Variants in FGD5 observed in about 807,000 individuals in gnomAD.
FGD5 encodes FYVE, RhoGEF and PH domain containing 5.
FGD5 carries 28 observed loss-of-function variants against 133.4 expected under a neutral mutation model. That is an observed-to-expected ratio of 0.21 (90% CI 0.16 to 0.29). The LOEUF is 0.29. FGD5 is among the 10% of genes least tolerant of loss of function. The pLI, the probability that FGD5 is intolerant of heterozygous loss-of-function variation, is 1.00. For missense variants in FGD5, 1,858 were observed against 1,895.2 expected (o/e 0.98, Z 0.36); for synonymous variants, 810 against 776.5 (o/e 1.04, Z -0.72).
chr3:14,857,839 C>A (rs1411443856), intron 1 of FGD5, among the ~76,000 whole-genome samples: 1 of 152,112 alleles, frequency 6.6e-6, no homozygotes, highest in Non-Finnish European at 1.5e-5. Flanking sequence ...CTTCTTTGTG[C>A]CACTTCTGAG....
intron 4 of FGD5, among the ~76,000 whole-genome samples, chr3:14,888,784 G>A (rs1475389318): frequency 6.6e-6 from 1 of 152,210 alleles, no homozygotes; most frequent in Non-Finnish European, 1.5e-5. Flanking sequence ...TTGGATGATG[G>A]AAGTGCAGAA....
At position 14,819,853 on chromosome 3, in the gene FGD5, G is replaced by A. The variant is rs1255975077; in HGVS notation, c.782G>A (p.Gly261Glu). 6.2e-7 allele frequency: 1 copy of A among 1,612,290 alleles called. No individual in the cohort carries two copies. Among genetic ancestry groups the A allele is most frequent in the Non-Finnish European group, 8.5e-7 (1 of 1,179,232 alleles). The part of the protein sequence containing the change: ...EEPPEKEELA[G>E]VQEAETATDC... ...CCCCCTGAGAAGGAGGAGCTGGCCG[G>A]GGTCCAGGAGGCAGAGACAGCCACA... Residue 261 changes from glycine to glutamate, a missense_variant, in exon 1 of 20, where the codon GGG becomes GAG. This residue lies in a region of FGD5 where 1,824 missense variants were observed against 1,848.9 expected (regional missense o/e 0.99). Transcript: ENST00000285046. The surrounding 1 kb of genome is among the most constrained non-coding windows in gnomAD (Gnocchi z 4.1).
At position 14,897,655 on chromosome 3, in the gene FGD5, A is replaced by G. The variant is rs1471050049; in HGVS notation, c.2895A>G (p.Glu965=). ...LHQGILEELE[E]RLSNWESQQK... ...AAGGCATCCTGGAGGAGCTGGAGGA[A>G]AGGCTGTCAAATTGGTGAGCAGTCC... The change falls in exon 5 of 20, where the codon GAA becomes GAG. Residue 965 remains glutamate (E), a synonymous_variant. Coordinates refer to ENST00000285046, the MANE Select transcript of FGD5 (RefSeq NM_152536.4). 6.2e-7 allele frequency: 1 copy of G among 1,603,902 alleles called. No homozygotes were observed. The highest frequency in any genetic ancestry group is 2.2e-5 in the East Asian group (1 of 44,622).
At chr3:14,823,095 G>A (rs2036534541) in intron 1 of FGD5, among the ~76,000 whole-genome samples, 1 of 152,212 alleles carries the variant, frequency 6.6e-6, no homozygotes, top group Admixed American at 6.5e-5. Flanking sequence ...TTTGGAGAAT[G>A]TGGACTCGTG....
chr3:14,816,998 C>A (rs571630230), upstream of FGD5, among the ~76,000 whole-genome samples: 2 of 152,024 alleles, frequency 1.3e-5, no homozygotes, highest in African/African-American at 4.8e-5. Context: ...AGCCACCAGC[C>A]GCATGTGGCT....
rs182966141 is a variant in FGD5 at position 14,897,679 on chromosome 3, C to T, written c.2909+10C>T. On this transcript the variant is annotated intron_variant, in intron 5 of 19. Coordinates refer to ENST00000285046, the MANE Select transcript of FGD5 (RefSeq NM_152536.4). ...AAAGGCTGTCAAATTGGTGAGCAGTCCCTGGACCCCCGGGTTCCACTTTTG... is the reference window on the plus strand; with the variant it reads ...AAAGGCTGTCAAATTGGTGAGCAGTTCCTGGACCCCCGGGTTCCACTTTTG... 1.9e-6 allele frequency: 3 copies of T among 1,591,010 alleles called. No individual in the cohort carries two copies. Among genetic ancestry groups the T allele is most frequent in the Middle Eastern group, 1.7e-4 (1 of 5,924 alleles).
At chr3:14,918,161 A>G (rs934048648) in intron 12 of FGD5, among the ~76,000 whole-genome samples, 2 of 152,182 alleles carry the variant, frequency 1.3e-5, no homozygotes, top group African/African-American at 4.8e-5. Flanking sequence ...AACACTTGGG[A>G]GCTGTTGGGG....
chr3:14,897,617 C>T lies in FGD5; in HGVS notation c.2857C>T (p.His953Tyr). Residue 953 changes from histidine (H) to tyrosine (Y), a missense_variant, in exon 5 of 20, where the codon CAC (histidine) becomes TAC (tyrosine). Coordinates refer to ENST00000285046, the MANE Select transcript of FGD5 (RefSeq NM_152536.4). ...RQGLSELPAI[H>Y]DLHQGILEEL... The stretch of plus-strand genomic sequence containing the variant: ...GGGCCTGAGTGAACTCCCAGCCATC[C>T]ACGACCTTCATCAAGGCATCCTGGA... 1 of 1,606,454 alleles carries T rather than the reference C, an allele frequency of 6.2e-7. No homozygotes were observed. Among genetic ancestry groups the T allele is most frequent in the African/African-American group, 1.3e-5 (1 of 74,908 alleles).
At chr3:14,880,703 T>A in intron 3 of FGD5, 39 bp from the exon 4 acceptor site, 1 of 1,613,932 alleles carries the variant, frequency 6.2e-7, no homozygotes, top group Non-Finnish European at 8.5e-7. Flanking sequence ...TTACACAGGA[T>A]GGGGATTAAT....
intron 4 of FGD5, among the ~76,000 whole-genome samples, chr3:14,881,186 G>C (rs1214272326): frequency 6.6e-6 from 1 of 152,176 alleles, no homozygotes; most frequent in Non-Finnish European, 1.5e-5. Flanking sequence ...CAGAGCAGCT[G>C]AGGGTATCAA....
chr3:14,823,061 C>T (rs1003815108), intron 1 of FGD5, among the ~76,000 whole-genome samples: 1 of 152,188 alleles, frequency 6.6e-6, no homozygotes, highest in African/African-American at 2.4e-5. Context: ...TAAACACCAG[C>T]ACAGCCCGAG....
At chr3:14,870,319 G>A (rs1273799385) in intron 2 of FGD5, among the ~76,000 whole-genome samples, 5 of 152,144 alleles carry the variant, frequency 3.3e-5, no homozygotes, top group Admixed American at 6.5e-5. Context: ...GGAGAGATTC[G>A]TCAGGTCTTC....
Position 14,849,079 on chromosome 3 carries a change from G to A in FGD5, c.2526-15049G>A, listed in dbSNP as rs539477844. 6.6e-5 allele frequency among the ~76,000 whole-genome samples: 10 copies of A among 152,322 alleles called. No individual in the cohort carries two copies. The Middle Eastern group carries it at 0.014, about 207-fold the overall frequency. On this transcript the variant is annotated intron_variant, in intron 1 of 19. Coordinates refer to ENST00000285046, the MANE Select transcript of FGD5 (RefSeq NM_152536.4). ...CACATGAGTGACATGACAAGAGCAT[G>A]TGTGCACTATCACGTGTCTGGGTCC... is the stretch of plus-strand genomic sequence containing the variant.
At chr3:14,844,260 ATATATATATAT>A in intron 1 of FGD5, among the ~76,000 whole-genome samples, 1 of 77,842 alleles carries the variant, frequency 1.3e-5, no homozygotes, top group Non-Finnish European at 2.5e-5. Context: ...ATATATATAT[ATATATATATAT>A]AATGCAGGTT....
rs1232899685 is a variant in FGD5 at position 14,848,950 on chromosome 3, C to T, written c.2526-15178C>T. Among the ~76,000 whole-genome samples the T allele has an allele frequency of 2.0e-5, 3 of 152,316 alleles. No homozygotes were observed. The East Asian group carries it at 5.8e-4, about 29-fold the overall frequency. On this transcript the variant is annotated intron_variant, in intron 1 of 19. Coordinates refer to ENST00000285046, the MANE Select transcript of FGD5 (RefSeq NM_152536.4). ...CACATGCAGCCCCTGCCCTCAGGAG[C>T]AGCGTGGATTTATAGGGTTTAGAGC...
chr3:14,846,746 G>A (rs1348762225), intron 1 of FGD5, among the ~76,000 whole-genome samples: 1 of 152,242 alleles, frequency 6.6e-6, no homozygotes, highest in Non-Finnish European at 1.5e-5. Context: ...ACTGTGGGAC[G>A]CAGGCAGTCA....
intron 2 of FGD5, among the ~76,000 whole-genome samples, chr3:14,877,478 C>T (rs919537624): frequency 1.3e-5 from 2 of 152,178 alleles, no homozygotes; most frequent in Non-Finnish European, 2.9e-5. Context: ...TATGGTGTGA[C>T]GGCTGCCATC....
chr3:14,895,635 G>A (rs1286316665), intron 4 of FGD5, among the ~76,000 whole-genome samples: 3 of 152,090 alleles, frequency 2.0e-5, no homozygotes, highest in African/African-American at 7.2e-5. Flanking sequence ...GTGCAGTGGT[G>A]CAATCAGAGT....
chr3:14,860,031 A>G (rs1307233346), intron 1 of FGD5, among the ~76,000 whole-genome samples: 4 of 152,264 alleles, frequency 2.6e-5, no homozygotes, highest in Non-Finnish European at 5.9e-5. Context: ...CTAAACATTT[A>G]CAATTCTGAG....
Sources: allele counts gnomAD v4.1 joint callset (sites outside exome capture counted in the v4.1 genomes callset), GRCh38; gene constraint gnomAD v4.1.1; regional missense constraint gnomAD v4.1.1; non-coding constraint Gnocchi (gnomAD v3.1); transcripts MANE v1.5; gene names NCBI Gene and HGNC (gene_info 2026-07-23, HGNC 2026-07-21).